The following SLC39A11 variants were observed in gnomAD, a reference collection of about 807,000 sequenced individuals.
The protein encoded by SLC39A11 is solute carrier family 39 member 11, also known as zinc transporter ZIP11.
SLC39A11 carries 33 observed loss-of-function variants against 36.1 expected under a neutral mutation model. The ratio of observed to expected loss-of-function variants is 0.91; its 90% CI spans 0.69 to 1.22. The LOEUF (loss-of-function observed/expected upper bound fraction) is 1.22. SLC39A11 is among the 50% of genes most tolerant of loss of function. SLC39A11 has a pLI of 0.00. For missense variants in SLC39A11, 432 were observed against 430.3 expected (o/e 1.00, Z -0.03); for synonymous variants, 166 against 170.3 (o/e 0.97, Z 0.20).
intron 6 of SLC39A11, among the ~76,000 whole-genome samples, chr17:72,772,979 G>A (rs747264100): frequency 5.1e-4 from 77 of 152,106 alleles, no homozygotes; most frequent in Non-Finnish European, 7.9e-4. Flanking sequence ...CCAGCTACTC[G>A]GGAGGCTAAG....
At chr17:72,877,153 C>T (rs2080943652) in intron 5 of SLC39A11, among the ~76,000 whole-genome samples, 1 of 152,242 alleles carries the variant, frequency 6.6e-6, no homozygotes, top group Non-Finnish European at 1.5e-5. Flanking sequence ...CACACACATA[C>T]ACTCCCTTTT....
chr17:73,023,296 C>A (rs181375818), intron 4 of SLC39A11, among the ~76,000 whole-genome samples: 13 of 152,054 alleles, frequency 8.5e-5, no homozygotes, highest in Non-Finnish European at 1.8e-4. Context: ...AGCTCTAACC[C>A]CCTATACTTT....
chr17:72,831,186 G>T (rs1202842115), intron 6 of SLC39A11, among the ~76,000 whole-genome samples: 1 of 151,908 alleles, frequency 6.6e-6, no homozygotes, highest in Non-Finnish European at 1.5e-5. Flanking sequence ...CTCTGAGACA[G>T]AAAGAATTTC....
intron 4 of SLC39A11, among the ~76,000 whole-genome samples, chr17:72,969,811 T>A (rs1410149778): frequency 6.6e-6 from 1 of 152,106 alleles, no homozygotes; most frequent in East Asian, 1.9e-4. Context: ...TCTTTAATAT[T>A]TAAAAAAAAT....
intron 6 of SLC39A11, among the ~76,000 whole-genome samples, chr17:72,806,136 T>C (rs1293373102): frequency 2.6e-5 from 4 of 152,172 alleles, no homozygotes; most frequent in Admixed American, 2.6e-4. Flanking sequence ...GAGATCCTTT[T>C]GGACTAGTGA....
chr17:72,950,180 T>C (rs1337667098), intron 4 of SLC39A11, among the ~76,000 whole-genome samples: 7 of 152,222 alleles, frequency 4.6e-5, no homozygotes, highest in African/African-American at 1.4e-4. Flanking sequence ...ATGTCCTCTA[T>C]GAATGTCTTT....
intron 5 of SLC39A11, among the ~76,000 whole-genome samples, chr17:72,896,449 G>A (rs1049125945): frequency 7.2e-5 from 11 of 151,770 alleles, no homozygotes; most frequent in Admixed American, 6.6e-4. Flanking sequence ...TGATCTGCCC[G>A]CCTCAGCCTC....
At chr17:72,716,062 T>C (rs2143445957) in intron 7 of SLC39A11, among the ~76,000 whole-genome samples, 1 of 152,124 alleles carries the variant, frequency 6.6e-6, no homozygotes, top group Non-Finnish European at 1.5e-5. Flanking sequence ...AAAAAATACC[T>C]AACTCCCGCC....
At chr17:72,939,326 T>G (rs2084951810) in intron 5 of SLC39A11, among the ~76,000 whole-genome samples, 1 of 152,082 alleles carries the variant, frequency 6.6e-6, no homozygotes, top group Non-Finnish European at 1.5e-5. Context: ...CTGGGGGTAG[T>G]GGCGTACACC....
chr17:72,905,460 G>C (rs2147012856), intron 5 of SLC39A11, among the ~76,000 whole-genome samples: 2 of 151,904 alleles, frequency 1.3e-5, no homozygotes, highest in Middle Eastern at 6.8e-3. Context: ...ACCCAGGTGT[G>C]GTGGCACATG....
At chr17:72,812,750 T>C (rs761624614) in intron 6 of SLC39A11, among the ~76,000 whole-genome samples, 12 of 152,174 alleles carry the variant, frequency 7.9e-5, no homozygotes, top group Non-Finnish European at 1.5e-4. Flanking sequence ...CAATGACAAA[T>C]AAATAGCAAG....
chr17:72,958,213 A>C (rs954868431), intron 4 of SLC39A11, among the ~76,000 whole-genome samples: 5 of 152,204 alleles, frequency 3.3e-5, no homozygotes, highest in African/African-American at 1.2e-4. Flanking sequence ...ACAAAAATCA[A>C]CTCAAGATGG....
intron 6 of SLC39A11, among the ~76,000 whole-genome samples, chr17:72,766,276 C>A (rs900475188): frequency 2.6e-5 from 4 of 152,114 alleles, no homozygotes; most frequent in Non-Finnish European, 5.9e-5. Context: ...TGTTAAGTTG[C>A]GCTATGGGTG....
At chr17:72,794,275 A>C (rs1282924005) in intron 6 of SLC39A11, among the ~76,000 whole-genome samples, 1 of 152,072 alleles carries the variant, frequency 6.6e-6, no homozygotes, top group Non-Finnish European at 1.5e-5. Context: ...CATCATAAGA[A>C]AGGAGCTTGC....
chr17:72,992,044 C>G (rs535964245), intron 4 of SLC39A11, among the ~76,000 whole-genome samples: 24 of 152,034 alleles, frequency 1.6e-4, no homozygotes, highest in Non-Finnish European at 2.9e-4. Context: ...TGGTCAAATA[C>G]AAAAGGTGAG....
chr17:72,971,851 G>A (rs1214095213), intron 4 of SLC39A11, among the ~76,000 whole-genome samples: 1 of 152,172 alleles, frequency 6.6e-6, no homozygotes, highest in African/African-American at 2.4e-5. Context: ...TTCCAAATGA[G>A]CCATCTGGGG....
chr17:72,796,266 AG>A (rs1289977334), intron 6 of SLC39A11, among the ~76,000 whole-genome samples: 1 of 152,104 alleles, frequency 6.6e-6, no homozygotes, highest in African/African-American at 2.4e-5. Context: ...TTATCAAGCG[AG>A]GCTTCTCTCA....
chr17:73,038,119 G>C (rs1363601189), intron 3 of SLC39A11, among the ~76,000 whole-genome samples: 2 of 152,144 alleles, frequency 1.3e-5, no homozygotes, highest in Non-Finnish European at 2.9e-5. Flanking sequence ...AGCTACTCGG[G>C]AGGCTGAGAC....
intron 5 of SLC39A11, among the ~76,000 whole-genome samples, chr17:72,857,702 A>G (rs2079723100): frequency 1.3e-5 from 2 of 152,072 alleles, no homozygotes; most frequent in Non-Finnish European, 2.9e-5. Context: ...ATGGTATCTC[A>G]TTGTGGTTTT....
Sources: gnomAD v4.1 joint callset for allele counts (sites outside exome capture counted in the v4.1 genomes callset) on GRCh38, gnomAD v4.1.1 for gene constraint, MANE v1.5 for transcripts, NCBI Gene and HGNC (gene_info 2026-07-23, HGNC 2026-07-21) for gene names.